The following OR52E4 variants were observed in gnomAD, a reference collection of about 807,000 sequenced individuals.
OR52E4 encodes the protein olfactory receptor family 52 subfamily E member 4, also known as olfactory receptor 52E4.
For missense variants in OR52E4, 444 were observed against 383.8 expected, an observed-to-expected ratio of 1.16 and a Z score of -1.31; for synonymous variants, 169 against 137.4, an observed-to-expected ratio of 1.23 and a Z score of -1.61.
chr11:5,884,149 G>A (rs1443164934), intron 1 of OR52E4, 70 bp from the exon 2 acceptor site: 3 of 637,282 alleles, frequency 4.7e-6, no homozygotes, highest in Non-Finnish European at 8.4e-6. Context: ...AGTGAGTCTT[G>A]AATGTTTGTA....
rs757010030 is a variant in OR52E4 at position 5,884,945 on chromosome 11, C to A, written c.653C>A (p.Ser218Tyr). 1 of 1,612,868 alleles carries A rather than the reference C, an allele frequency of 6.2e-7. No individual in the cohort carries two copies. Among genetic ancestry groups the A allele is most frequent in the East Asian group, 2.2e-5 (1 of 44,840 alleles). The change falls in exon 2 of 2, where the codon TCC becomes TAC. Residue 218 changes from serine (S) to tyrosine (Y), a missense_variant. By Grantham distance (144) the Ser-to-Tyr change is moderately radical. Transcript: ENST00000641726. Reference protein sequence around the residue: ...IIVDVILIASSYVLILRAVFR... With the variant: ...IIVDVILIASYYVLILRAVFR... Reference sequence around the variant, plus strand: ...GTGGATGTGATCTTAATTGCCTCTTCCTATGTGCTTATCCTTAGAGCTGTT... The same window carrying A: ...GTGGATGTGATCTTAATTGCCTCTTACTATGTGCTTATCCTTAGAGCTGTT...
chr11:5,880,916 T>G (rs1846954918), intron 1 of OR52E4, among the ~76,000 whole-genome samples: 1 of 152,084 alleles, frequency 6.6e-6, no homozygotes, highest in African/African-American at 2.4e-5. Context: ...ACAGAATTTC[T>G]GTCTGTGTAT....
chr11:5,883,563 A>G (rs999969200), intron 1 of OR52E4, among the ~76,000 whole-genome samples: 12 of 151,676 alleles, frequency 7.9e-5, no homozygotes, highest in Non-Finnish European at 4.4e-5. Flanking sequence ...AAATTTAAAT[A>G]TTTAATATTA....
At chr11:5,881,413 C>T (rs1846961959) in intron 1 of OR52E4, among the ~76,000 whole-genome samples, 1 of 152,108 alleles carries the variant, frequency 6.6e-6, no homozygotes, top group Non-Finnish European at 1.5e-5. Flanking sequence ...GCTTTGGTCT[C>T]ACCAAGATTG....
At position 5,886,855 on chromosome 11, in the gene OR52E4, C is replaced by T. The variant is rs1175144753; in HGVS notation, c.*1624C>T. 6.6e-6 allele frequency: 1 copy of T among 152,088 alleles called. No homozygotes were observed. Among genetic ancestry groups the T allele is most frequent in the African/African-American group, 2.4e-5 (1 of 41,422 alleles). 9.4% of individuals were successfully genotyped at this position (152,088 alleles called of 1,614,324 possible). A position where few individuals can be genotyped will look rare whatever the true frequency, so the allele number is the denominator to read the frequency against. The stretch of plus-strand genomic sequence containing the variant: ...AAGTAGACAAGAAAAGCAACATCAC[C>T]TATTCAGTATCTGTGAATCTGGACA... On this transcript the variant is annotated 3_prime_UTR_variant, in exon 2 of 2. Coordinates refer to ENST00000641726, the MANE Select transcript of OR52E4 (RefSeq NM_001005165.2).
intron 1 of OR52E4, among the ~76,000 whole-genome samples, chr11:5,882,491 T>C (rs1846976139): frequency 6.6e-6 from 1 of 152,000 alleles, no homozygotes; most frequent in Non-Finnish European, 1.5e-5. Context: ...AAACATTATG[T>C]TCTTTTTTCA....
Position 5,884,792 on chromosome 11 carries a change from G to A in OR52E4, c.500G>A (p.Arg167His), listed in dbSNP as rs201075631. The A allele has an allele frequency of 1.5e-4, 235 of 1,613,392 alleles. No homozygotes were observed. Among genetic ancestry groups the A allele is most frequent in the Non-Finnish European group, 1.8e-4 (208 of 1,179,702 alleles). The change falls in exon 2 of 2, where the codon CGT (arginine) becomes CAT (histidine). Residue 167 changes from arginine to histidine, a missense_variant. Arg to His is a conservative substitution (Grantham distance 29). Transcript: ENST00000641726. ...ACCCCATTTGTGTTTCTCATTCTGC[G>A]TCTGCCATTCTGTGGGCATAACATC... ...LVTPFVFLIL[R>H]LPFCGHNIVP...
rs773933100 is a variant in OR52E4, at chr11:5,884,359, G to T, written c.67G>T (p.Asp23Tyr). Residue 23 changes from aspartate (D) to tyrosine (Y), a missense_variant, in exon 2 of 2, where the codon GAC (aspartate) becomes TAC (tyrosine). Coordinates refer to ENST00000641726, the MANE Select transcript of OR52E4 (RefSeq NM_001005165.2). ...FFLLLGIPGL[D>Y]TLHIWISFPF... The stretch of plus-strand genomic sequence containing the variant: ...CCTCCTGCTAGGAATACCAGGACTG[G>T]ACACTTTACATATCTGGATTTCTTT... 1.2e-6 allele frequency: 2 copies of T among 1,613,086 alleles called. No homozygotes were observed. Among genetic ancestry groups the T allele is most frequent in the African/African-American group, 2.7e-5 (2 of 74,798 alleles).
At position 5,884,283 on chromosome 11, in the gene OR52E4, T is replaced by G. The variant is rs201959739; in HGVS notation, c.-10T>G. 394 of 1,587,022 alleles carry G rather than the reference T, an allele frequency of 2.5e-4. 1 individual carries two copies. Among genetic ancestry groups the G allele is most frequent in the Non-Finnish European group, 2.7e-4 (311 of 1,162,502 alleles). On this transcript the variant is annotated 5_prime_UTR_variant, in exon 2 of 2. Coordinates refer to ENST00000641726, the MANE Select transcript of OR52E4 (RefSeq NM_001005165.2). ...TCATACTTAGGAATTCAGTGACACT[T>G]GCTGGGAGAATGCCTTCTATCAATG...
In OR52E4 at chr11:5,882,441, C is replaced by A. The variant is rs567713822; in HGVS notation, c.-75+1727C>A. On this transcript the variant is annotated intron_variant, in intron 1 of 1. Transcript: ENST00000641726. Reference sequence around the variant, plus strand: ...AGGTGAAATCACAAAAACCACTGCCCTCTGATTTTTCAGCCTGGCATCTTT... The same window carrying A: ...AGGTGAAATCACAAAAACCACTGCCATCTGATTTTTCAGCCTGGCATCTTT... 7.6e-4 allele frequency among the ~76,000 whole-genome samples: 115 copies of A among 152,106 alleles called. 2 individuals are homozygous for A. In the South Asian group the frequency reaches 0.023, roughly 30 times the overall value.
Position 5,885,253 on chromosome 11 carries a change from A to C in OR52E4, c.*22A>C, listed in dbSNP as rs747552466. 1.4e-6 allele frequency: 2 copies of C among 1,479,076 alleles called. No homozygotes were observed. The allele number at this position is 1,479,076 out of a possible 1,614,324, so 91.6% of individuals were successfully genotyped here. A position where few individuals can be genotyped will look rare whatever the true frequency, so the allele number is the denominator to read the frequency against. ...ATAATTCTGTATTAAAGTTTGGATA[A>C]ATATATCTATATACAACCCAAATTA... On this transcript the variant is annotated 3_prime_UTR_variant, in exon 2 of 2. Coordinates refer to ENST00000641726, the MANE Select transcript of OR52E4 (RefSeq NM_001005165.2).
chr11:5,884,248 G>A lies in OR52E4; in HGVS notation c.-45G>A. 7.2e-7 allele frequency: 1 copy of A among 1,392,134 alleles called. No homozygotes were observed. The highest frequency in any genetic ancestry group is 1.0e-6 in the Non-Finnish European group (1 of 1,001,784). 86.2% of individuals were successfully genotyped at this position (1,392,134 alleles called of 1,614,324 possible). A position where few individuals can be genotyped will look rare whatever the true frequency, so the allele number is the denominator to read the frequency against. ...TTGACAAGAGAGGACCTTAAAGAAA[G>A]TGAGATCCTTCATACTTAGGAATTC... On this transcript the variant is annotated 5_prime_UTR_variant, in exon 2 of 2. The change creates a new upstream start codon in the 5' untranslated region. Coordinates refer to ENST00000641726, the MANE Select transcript of OR52E4 (RefSeq NM_001005165.2).
In OR52E4 at chr11:5,886,871, A is replaced by C. The variant is rs762397894; in HGVS notation, c.*1640A>C. ...CAACATCACCTATTCAGTATCTGTG[A>C]ATCTGGACAGTTCTTGGTCTTAACA... On this transcript the variant is annotated 3_prime_UTR_variant, in exon 2 of 2. Coordinates refer to ENST00000641726, the MANE Select transcript of OR52E4 (RefSeq NM_001005165.2). The C allele has an allele frequency of 2.0e-5, 3 of 152,120 alleles. No individual in the cohort carries two copies. Among genetic ancestry groups the C allele is most frequent in the Non-Finnish European group, 2.9e-5 (2 of 68,014 alleles). The allele number at this position is 152,120 out of a possible 1,614,324, so 9.4% of individuals were successfully genotyped here.
Position 5,886,405 on chromosome 11 carries a change from T to A in OR52E4, c.*1174T>A, listed in dbSNP as rs1229641711. The A allele has an allele frequency of 6.6e-6, 1 of 152,040 alleles. No individual in the cohort carries two copies. The highest frequency in any genetic ancestry group is 2.4e-5 in the African/African-American group (1 of 41,418). The allele number at this position is 152,040 out of a possible 1,614,324, so 9.4% of individuals were successfully genotyped here. ...GTCATTTTAGATGTGACTACTTGTATGTGTCGCCTGTCTAATTCTAATTCT... is the reference window on the plus strand; with the variant it reads ...GTCATTTTAGATGTGACTACTTGTAAGTGTCGCCTGTCTAATTCTAATTCT... On this transcript the variant is annotated 3_prime_UTR_variant, in exon 2 of 2. Transcript: ENST00000641726.
rs1461996022 is a variant in OR52E4, at chr11:5,886,289, G to C, written c.*1058G>C. The C allele has an allele frequency of 2.7e-5, 4 of 150,638 alleles. No homozygotes were observed. Among genetic ancestry groups the C allele is most frequent in the Non-Finnish European group, 4.4e-5 (3 of 67,770 alleles). 9.3% of individuals were successfully genotyped at this position (150,638 alleles called of 1,614,324 possible). ...ACTAATACACTTTTCTTTTACATTCGTTCTCTGATAAAGTAAGTCTTTGTG... is the reference window on the plus strand; with the variant it reads ...ACTAATACACTTTTCTTTTACATTCCTTCTCTGATAAAGTAAGTCTTTGTG... On this transcript the variant is annotated 3_prime_UTR_variant, in exon 2 of 2. Transcript: ENST00000641726.
In OR52E4 at chr11:5,886,151, G is replaced by A. The variant is rs1847039385; in HGVS notation, c.*920G>A. On this transcript the variant is annotated 3_prime_UTR_variant, in exon 2 of 2. Transcript: ENST00000641726. The stretch of plus-strand genomic sequence containing the variant: ...GCCTATTGTGGGACCTTGTGATCAT[G>A]TGAGTTAATACTTAATTCCCCCTTT... 5.4e-5 allele frequency: 1 copy of A among 18,484 alleles called. No homozygotes were observed. Among genetic ancestry groups the A allele is most frequent in the African/African-American group, 2.6e-4 (1 of 3,836 alleles). 1.1% of individuals were successfully genotyped at this position (18,484 alleles called of 1,614,324 possible). A position where few individuals can be genotyped will look rare whatever the true frequency, so the allele number is the denominator to read the frequency against.
chr11:5,881,649 A>T (rs985136005), intron 1 of OR52E4, among the ~76,000 whole-genome samples: 1 of 152,228 alleles, frequency 6.6e-6, no homozygotes, highest in South Asian at 2.1e-4. Flanking sequence ...CTAACAGGTG[A>T]ATTATTTTAG....
In OR52E4 at chr11:5,885,184, A is replaced by C. The variant is rs1442426470; in HGVS notation, c.892A>C (p.Lys298Gln). The C allele has an allele frequency of 6.2e-7, 1 of 1,603,438 alleles. No homozygotes were observed. The highest frequency in any genetic ancestry group is 1.1e-5 in the South Asian group (1 of 88,688). ...CCCTGTCATTTATGGAGTCAGGACC[A>C]AGCAGATCCGAGAGCAAATTGTGAA... The part of the protein sequence containing the change: ...LNPVIYGVRT[K>Q]QIREQIVKIF... Residue 298 changes from lysine (K) to glutamine (Q), a missense_variant, in exon 2 of 2, where the codon AAG becomes CAG. Lys to Gln is a moderately conservative substitution (Grantham distance 53, BLOSUM62 1). Transcript: ENST00000641726.
Position 5,885,197 on chromosome 11 carries a change from A to G in OR52E4, c.905A>G (p.Glu302Gly), listed in dbSNP as rs780746170. The G allele has an allele frequency of 2.5e-6, 4 of 1,598,668 alleles. No homozygotes were observed. The highest frequency in any genetic ancestry group is 3.5e-5 in the Admixed American group (2 of 57,174). Residue 302 changes from glutamate (E) to glycine (G), a missense_variant, in exon 2 of 2, where the codon GAG (glutamate) becomes GGG (glycine). By Grantham distance (98) the Glu-to-Gly change is moderately conservative. Transcript: ENST00000641726. ...GGAGTCAGGACCAAGCAGATCCGAG[A>G]GCAAATTGTGAAAATATTTGTACAG... ...IYGVRTKQIR[E>G]QIVKIFVQKE is the part of the protein sequence containing the mutation.
Sources: gnomAD v4.1 joint callset for allele counts (sites outside exome capture counted in the v4.1 genomes callset) on GRCh38, gnomAD v4.1.1 for gene constraint, MANE v1.5 for transcripts, NCBI Gene and HGNC (gene_info 2026-07-23, HGNC 2026-07-21) for gene names.